The following WWOX variants were observed in gnomAD, a reference collection of about 807,000 sequenced individuals.
WWOX encodes WW domain-containing oxidoreductase.
WWOX carries 69 observed loss-of-function variants against 46.2 expected under a neutral mutation model. The observed-to-expected ratio is 1.49, with a 90% CI of 1.23 to 1.82. The LOEUF (loss-of-function observed/expected upper bound fraction) is 1.82. Among genes scored for constraint, WWOX ranks in the 40% most tolerant of loss-of-function variants. The pLI is 0.00. For missense variants in WWOX, 919 were observed against 542.6 expected, an observed-to-expected ratio of 1.69 and a Z score of -6.89; for synonymous variants, 359 against 202.6, an observed-to-expected ratio of 1.77 and a Z score of -6.56.
chr16:78,462,751 G>T (rs1228022557), intron 8 of WWOX, among the ~76,000 whole-genome samples: 1 of 152,206 alleles, frequency 6.6e-6, no homozygotes, highest in African/African-American at 2.4e-5. Flanking sequence ...ACTGTCAGTT[G>T]TTGTAAACTC....
At chr16:78,849,573 C>CAAAAA (rs778723646) in intron 8 of WWOX, among the ~76,000 whole-genome samples, 10 of 97,296 alleles carry the variant, frequency 1.0e-4, no homozygotes, top group East Asian at 7.1e-4. Context: ...GAATCCCTCT[C>CAAAAA]AAAAAAAAAA....
At chr16:78,717,749 G>C (rs901062707) in intron 8 of WWOX, among the ~76,000 whole-genome samples, 2 of 152,186 alleles carry the variant, frequency 1.3e-5, no homozygotes, top group African/African-American at 4.8e-5. Context: ...GACTCTGATG[G>C]ATCTAATCGA....
At chr16:78,918,882 C>G (rs1030959499) in intron 8 of WWOX, among the ~76,000 whole-genome samples, 14 of 152,170 alleles carry the variant, frequency 9.2e-5, no homozygotes, top group African/African-American at 3.4e-4. Flanking sequence ...TTTCTCTTGT[C>G]TTTTCTGAGC....
chr16:79,094,836 T>A (rs754438940), intron 8 of WWOX, among the ~76,000 whole-genome samples: 1 of 152,026 alleles, frequency 6.6e-6, no homozygotes, highest in Non-Finnish European at 1.5e-5. Context: ...AGGAGCCCAA[T>A]ATTTATTGAG....
chr16:78,541,472 TC>T (rs2043892663), intron 8 of WWOX, among the ~76,000 whole-genome samples: 1 of 40,882 alleles, frequency 2.4e-5, no homozygotes, highest in Non-Finnish European at 3.8e-5. Flanking sequence ...AGACTCCGTC[TC>T]AAAAAAAAAA....
At chr16:78,410,182 C>T (rs1392916114) in intron 6 of WWOX, among the ~76,000 whole-genome samples, 1 of 152,174 alleles carries the variant, frequency 6.6e-6, no homozygotes, top group Non-Finnish European at 1.5e-5. Context: ...GACTGTAAGC[C>T]TCCTGAGGCC....
intron 5 of WWOX, among the ~76,000 whole-genome samples, chr16:78,174,497 G>A (rs2035268698): frequency 1.3e-5 from 2 of 152,168 alleles, no homozygotes; most frequent in African/African-American, 4.8e-5. Context: ...TCAATTCACA[G>A]CATTCTACCC....
At chr16:78,672,285 A>C (rs746658980) in intron 8 of WWOX, among the ~76,000 whole-genome samples, 1 of 152,196 alleles carries the variant, frequency 6.6e-6, no homozygotes, top group Non-Finnish European at 1.5e-5. Context: ...ACCACATGCA[A>C]ATGCAAGCAG....
chr16:78,233,334 A>G (rs922907868), intron 5 of WWOX, among the ~76,000 whole-genome samples: 2 of 152,130 alleles, frequency 1.3e-5, no homozygotes, highest in African/African-American at 4.8e-5. Context: ...AACACTTAAC[A>G]TGAGACCTAC....
chr16:78,262,402 A>C (rs932265232), intron 5 of WWOX, among the ~76,000 whole-genome samples: 1 of 152,200 alleles, frequency 6.6e-6, no homozygotes, highest in African/African-American at 2.4e-5. Context: ...AGGGACCTTC[A>C]GTCTGTTTGG....
chr16:78,919,472 C>A (rs1240372404), intron 8 of WWOX, among the ~76,000 whole-genome samples: 1 of 151,748 alleles, frequency 6.6e-6, no homozygotes, highest in East Asian at 1.9e-4. Context: ...TAACAGCAAT[C>A]AGTCCCCTTA....
At chr16:78,882,650 G>A (rs1343646222) in intron 8 of WWOX, among the ~76,000 whole-genome samples, 1 of 151,756 alleles carries the variant, frequency 6.6e-6, no homozygotes, top group Non-Finnish European at 1.5e-5. Flanking sequence ...ACCGTGCCCA[G>A]CTAACTTTTG....
At chr16:78,153,750 C>T (rs930246306) in intron 4 of WWOX, among the ~76,000 whole-genome samples, 8 of 152,124 alleles carry the variant, frequency 5.3e-5, no homozygotes, top group African/African-American at 1.9e-4. Context: ...GCCCCAACTC[C>T]TTTGGGCGTC....
At chr16:78,691,649 A>G (rs1471659503) in intron 8 of WWOX, among the ~76,000 whole-genome samples, 1 of 152,184 alleles carries the variant, frequency 6.6e-6, no homozygotes, top group Admixed American at 6.5e-5. Context: ...TTGAGAGTGC[A>G]GTGAGCCGTG....
At position 78,258,485 on chromosome 16, in the gene WWOX, A is replaced by T. The variant is rs534428692; in HGVS notation, c.516+94196A>T. ...TCCCACTCGGATGCTACGAGGGGTA[A>T]TCTGTGCTAAGTTTATGGTGTGTCT... On this transcript the variant is annotated intron_variant, in intron 5 of 8. Coordinates refer to ENST00000566780, the MANE Select transcript of WWOX (RefSeq NM_016373.4). Among the ~76,000 whole-genome samples the T allele has an allele frequency of 1.1e-4, 17 of 152,196 alleles. No homozygotes were observed. In the East Asian group the frequency reaches 3.3e-3, roughly 29 times the overall value.
chr16:78,154,492 T>A (rs2034529764), intron 4 of WWOX, among the ~76,000 whole-genome samples: 3 of 59,650 alleles, frequency 5.0e-5, no homozygotes, highest in Non-Finnish European at 7.1e-5. Context: ...GATCTTTTTT[T>A]TTTTTTTTTT....
At chr16:78,823,693 C>G (rs1365325837) in intron 8 of WWOX, among the ~76,000 whole-genome samples, 1 of 152,026 alleles carries the variant, frequency 6.6e-6, no homozygotes, top group African/African-American at 2.4e-5. Context: ...TTAAGGCCCG[C>G]CGAGCCTGAG....
intron 8 of WWOX, among the ~76,000 whole-genome samples, chr16:79,157,244 C>T (rs1380547332): frequency 1.3e-5 from 2 of 152,176 alleles, no homozygotes; most frequent in African/African-American, 2.4e-5. Flanking sequence ...ATTCAAGAGT[C>T]TGTCAGGAAG....
chr16:78,715,604 C>T (rs757399770), intron 8 of WWOX, among the ~76,000 whole-genome samples: 4 of 151,966 alleles, frequency 2.6e-5, no homozygotes, highest in African/African-American at 4.8e-5. Context: ...CTGCCTCAGC[C>T]GAGTAGCTGG....
Sources: gnomAD v4.1 joint callset for allele counts (sites outside exome capture counted in the v4.1 genomes callset) on GRCh38, gnomAD v4.1.1 for gene constraint, MANE v1.5 for transcripts, NCBI Gene and HGNC (gene_info 2026-07-23, HGNC 2026-07-21) for gene names.